GJB1: variants seen among roughly 807,000 people sequenced by gnomAD.
The protein encoded by GJB1 is gap junction protein beta 1.
GJB1 carries 1 observed loss-of-function variant against 12.0 expected under a neutral mutation model. The observed-to-expected ratio is 0.08, with a 90% CI of 0.03 to 0.40. The LOEUF (loss-of-function observed/expected upper bound fraction) is 0.40. Ranked by LOEUF, GJB1 falls within the 10% of genes least tolerant of loss-of-function variation. The pLI is 0.98. For synonymous variants in GJB1, 114 were observed against 102.8 expected (o/e 1.11, Z -0.66); for missense variants, 140 against 250.3 (o/e 0.56, Z 2.97).
upstream of GJB1, chrX:71,223,113 G>A (rs2092540761): frequency 7.6e-6 from 1 of 132,129 alleles, no homozygotes; most frequent in African/African-American, 3.2e-5. Flanking sequence ...TGTGTAGGGT[G>A]GGCGGAAGTC....
intron 1 of GJB1, among the ~76,000 whole-genome samples, chrX:71,217,139 T>TGTGTGTGTGC (rs1491575067): frequency 1.2e-4 from 13 of 106,684 alleles, no homozygotes; most frequent in East Asian, 8.6e-4. Flanking sequence ...TGTGTGTGTG[T>TGTGTGTGTGC]GCGTGTGCCA....
upstream of GJB1, among the ~76,000 whole-genome samples, chrX:71,221,931 T>A (rs937074735): frequency 2.8e-5 from 3 of 107,595 alleles, no homozygotes; most frequent in Admixed American, 2.0e-4. Flanking sequence ...GCCCAGGAGT[T>A]CAAGACCAGC....
chrX:71,218,654 C>T (rs969717808), upstream of GJB1, among the ~76,000 whole-genome samples: 2 of 109,766 alleles, frequency 1.8e-5, no homozygotes, highest in South Asian at 3.9e-4. Context: ...GAGGCCGAGG[C>T]GGGCGGATCA....
Position 71,223,751 on chromosome X carries a change from G to A in GJB1, c.44G>A (p.Arg15Gln), listed in dbSNP as rs863224974. The A allele has an allele frequency of 8.3e-7, 1 of 1,210,267 alleles. No homozygotes were observed. Among genetic ancestry groups the A allele is most frequent in the Non-Finnish European group, 1.1e-6 (1 of 894,210 alleles). ...TACACCTTGCTCAGTGGCGTGAACCGGCATTCTACTGCCATTGGCCGAGTA... is the reference window on the plus strand; with the variant it reads ...TACACCTTGCTCAGTGGCGTGAACCAGCATTCTACTGCCATTGGCCGAGTA... Reference protein sequence around the residue: ...GLYTLLSGVNRHSTAIGRVWL... With the variant: ...GLYTLLSGVNQHSTAIGRVWL... Residue 15 changes from arginine (R) to glutamine (Q), a missense_variant, in exon 2 of 2, where the codon CGG (arginine) becomes CAG (glutamine). Coordinates refer to ENST00000361726, the MANE Select transcript of GJB1 (RefSeq NM_000166.6).
upstream of GJB1, among the ~76,000 whole-genome samples, chrX:71,219,545 G>A (rs930689424): frequency 9.3e-6 from 1 of 107,865 alleles, no homozygotes; most frequent in South Asian, 4.1e-4. Flanking sequence ...GCTGAGGCAG[G>A]TGGATCACGA....
At chrX:71,219,635 GT>G (rs1168088989), upstream of GJB1, among the ~76,000 whole-genome samples, 2 of 102,528 alleles carry the variant, frequency 2.0e-5, no homozygotes, top group African/African-American at 7.1e-5. Flanking sequence ...TTAGCCAGGC[GT>G]GGTGGCGGGC....
upstream of GJB1, among the ~76,000 whole-genome samples, chrX:71,220,889 C>CTTTTTTTTT (rs1491472340): frequency 9.5e-5 from 5 of 52,746 alleles, no homozygotes; most frequent in African/African-American, 3.1e-4. Context: ...TTGTTTCTTT[C>CTTTTTTTTT]CTTTTTTTTT....
At chrX:71,218,711 A>T (rs982553704), upstream of GJB1, among the ~76,000 whole-genome samples, 2 of 109,756 alleles carry the variant, frequency 1.8e-5, no homozygotes, top group Non-Finnish European at 3.8e-5. Flanking sequence ...GTGAAACCCC[A>T]TCTCTACTAA....
intron 1 of GJB1, among the ~76,000 whole-genome samples, chrX:71,216,483 C>T (rs1287444809): frequency 5.5e-5 from 6 of 109,538 alleles, no homozygotes; most frequent in African/African-American, 2.0e-4. Context: ...TAGCTCCTGG[C>T]TCACGGGGTT....
At chrX:71,218,508 G>A (rs772135240), upstream of GJB1, among the ~76,000 whole-genome samples, 2 of 109,227 alleles carry the variant, frequency 1.8e-5, no homozygotes, top group South Asian at 8.0e-4. Context: ...CTTGAACCCG[G>A]GAGGCGGAGG....
chrX:71,218,566 A>T (rs543635770), upstream of GJB1, among the ~76,000 whole-genome samples: 114 of 108,054 alleles, frequency 1.1e-3, 1 homozygote, highest in South Asian at 0.044. Context: ...TGGGCTACAG[A>T]GTGAGACCCT....
intron 1 of GJB1, 61 bp from the exon 2 acceptor site, chrX:71,223,631 A>C: frequency 9.1e-7 from 1 of 1,104,936 alleles, no homozygotes; most frequent in Non-Finnish European, 1.2e-6. Flanking sequence ...AGGCAGTGCT[A>C]TGGCGCCCGA....
At chrX:71,216,453 C>T (rs1443517283) in intron 1 of GJB1, among the ~76,000 whole-genome samples, 2 of 110,276 alleles carry the variant, frequency 1.8e-5, no homozygotes, top group Non-Finnish European at 3.8e-5. Context: ...TTCATTGCCT[C>T]ACCTGTGAGT....
At chrX:71,216,704 G>C (rs1419393297) in intron 1 of GJB1, among the ~76,000 whole-genome samples, 1 of 111,184 alleles carries the variant, frequency 9.0e-6, no homozygotes, top group Non-Finnish European at 1.9e-5. Context: ...ATCGGAATGA[G>C]CTAGACTGGA....
chrX:71,218,898 A>G (rs1223177930), upstream of GJB1, among the ~76,000 whole-genome samples: 1 of 109,197 alleles, frequency 9.2e-6, no homozygotes, highest in Non-Finnish European at 1.9e-5. Context: ...AAAAAAAAAA[A>G]AAGTGTGTGT....
upstream of GJB1, among the ~76,000 whole-genome samples, chrX:71,219,185 T>C (rs1305443377): frequency 9.4e-6 from 1 of 105,821 alleles, no homozygotes; most frequent in Non-Finnish European, 1.9e-5. Context: ...TTATTATTAT[T>C]ATTTTCTGAG....
intron 1 of GJB1, among the ~76,000 whole-genome samples, chrX:71,217,299 C>T (rs2092527598): frequency 8.9e-6 from 1 of 112,466 alleles, no homozygotes; most frequent in Non-Finnish European, 1.9e-5. Context: ...TACCATTTAG[C>T]AGCAGTGCAA....
intron 1 of GJB1, among the ~76,000 whole-genome samples, chrX:71,217,243 A>G (rs1229309106): frequency 8.9e-6 from 1 of 112,216 alleles, no homozygotes; most frequent in Non-Finnish European, 1.9e-5. Flanking sequence ...AAGCAGCGCC[A>G]TATACAAAGA....
upstream of GJB1, among the ~76,000 whole-genome samples, chrX:71,220,889 C>CTTTT (rs1491472340): frequency 2.5e-3 from 131 of 52,687 alleles, no homozygotes; most frequent in Middle Eastern, 0.013. Context: ...TTGTTTCTTT[C>CTTTT]CTTTTTTTTT....
Sources: gnomAD v4.1 joint callset for allele counts (sites outside exome capture counted in the v4.1 genomes callset) on GRCh38, gnomAD v4.1.1 for gene constraint, MANE v1.5 for transcripts, NCBI Gene and HGNC (gene_info 2026-07-23, HGNC 2026-07-21) for gene names.